RXFP1: variants seen among roughly 807,000 people sequenced by gnomAD.
The protein encoded by RXFP1 is relaxin family peptide receptor 1.
A neutral mutation model predicts 89.8 loss-of-function variants in RXFP1; 73 were observed. That is an observed-to-expected ratio of 0.81 (90% CI 0.67 to 0.99). The LOEUF is 0.99. Among genes scored for constraint, RXFP1 ranks in the 50% least tolerant of loss-of-function variants. RXFP1 has a pLI of 0.00. For synonymous variants in RXFP1, 277 were observed against 305.5 expected, an observed-to-expected ratio of 0.91 and a Z score of 0.97; for missense variants, 793 against 895.5, an observed-to-expected ratio of 0.89 and a Z score of 1.46.
At chr4:158,627,336 A>G (rs1221120556) in intron 10 of RXFP1, among the ~76,000 whole-genome samples, 1 of 152,198 alleles carries the variant, frequency 6.6e-6, no homozygotes, top group Non-Finnish European at 1.5e-5. Context: ...TTATTTTACC[A>G]GAATGTTTTT....
Position 158,644,946 on chromosome 4 carries a change from C to T in RXFP1, c.1153C>T (p.His385Tyr). 1 of 1,614,048 alleles carries T rather than the reference C, an allele frequency of 6.2e-7. No homozygotes were observed. Among genetic ancestry groups the T allele is most frequent in the Non-Finnish European group, 8.5e-7 (1 of 1,179,920 alleles). The change falls in exon 15 of 18, where the codon CAT becomes TAT. Residue 385 changes from histidine (H) to tyrosine (Y), a missense_variant. His to Tyr is a moderately conservative substitution (Grantham distance 83). Transcript: ENST00000307765. ...ATTCCAGTACTGTGGGTATGCACCA[C>T]ATGTTCGCAGCTGTAAACCAAACAC... ...KKFQYCGYAP[H>Y]VRSCKPNTDG...
intron 1 of RXFP1, among the ~76,000 whole-genome samples, chr4:158,566,947 G>C (rs1753696420): frequency 6.6e-6 from 1 of 152,224 alleles, no homozygotes; most frequent in South Asian, 2.1e-4. Context: ...TGTGGAGGGA[G>C]AGGGGCAGGC....
chr4:158,589,897 A>T (rs564212853), intron 2 of RXFP1, among the ~76,000 whole-genome samples: 4 of 152,108 alleles, frequency 2.6e-5, no homozygotes, highest in African/African-American at 9.6e-5. Flanking sequence ...CTACAAAAAT[A>T]AAAAATTAGC....
intron 11 of RXFP1, among the ~76,000 whole-genome samples, chr4:158,630,294 G>C (rs1239797899): frequency 6.6e-6 from 1 of 152,118 alleles, no homozygotes; most frequent in Non-Finnish European, 1.5e-5. Flanking sequence ...AAAACAAATA[G>C]ACCCAACCAT....
intron 2 of RXFP1, among the ~76,000 whole-genome samples, chr4:158,585,064 A>G (rs556788809): frequency 1.3e-5 from 2 of 152,344 alleles, no homozygotes; most frequent in African/African-American, 2.4e-5. Flanking sequence ...TTCCCAGGTG[A>G]TGCTGCTGCT....
chr4:158,542,107 A>AT (rs1438929204), intron 1 of RXFP1, among the ~76,000 whole-genome samples: 2 of 28,220 alleles, frequency 7.1e-5, no homozygotes, highest in African/African-American at 2.6e-4. Flanking sequence ...ATATATATAT[A>AT]TATTTTTTTT....
chr4:158,536,190 A>G (rs1414772548), intron 1 of RXFP1, among the ~76,000 whole-genome samples: 4 of 152,214 alleles, frequency 2.6e-5, no homozygotes. Context: ...GCAGTAGAAA[A>G]CAGCACATAG....
chr4:158,610,857 G>T (rs1763448887), intron 6 of RXFP1, among the ~76,000 whole-genome samples: 1 of 152,216 alleles, frequency 6.6e-6, no homozygotes, highest in African/African-American at 2.4e-5. Flanking sequence ...TTGCTCACTA[G>T]CCCTGAGCAA....
At chr4:158,524,564 G>A (rs1032368458) in intron 1 of RXFP1, among the ~76,000 whole-genome samples, 15 of 152,244 alleles carry the variant, frequency 9.9e-5, no homozygotes, top group African/African-American at 3.6e-4. Flanking sequence ...TTAGCCTTGA[G>A]AATTTTTCAT....
intron 1 of RXFP1, among the ~76,000 whole-genome samples, chr4:158,569,518 G>A (rs1376413637): frequency 6.6e-6 from 1 of 152,156 alleles, no homozygotes; most frequent in Non-Finnish European, 1.5e-5. Flanking sequence ...AGGAGGCAGG[G>A]ACTATATGGG....
chr4:158,593,285 A>G, intron 2 of RXFP1, 116 bp from the exon 3 acceptor site: 1 of 484,912 alleles, frequency 2.1e-6, no homozygotes, highest in Non-Finnish European at 3.5e-6. Flanking sequence ...GATAATGTTT[A>G]TCTCGCTACA....
chr4:158,606,198 A>G (rs1196452268), intron 5 of RXFP1, among the ~76,000 whole-genome samples: 1 of 152,240 alleles, frequency 6.6e-6, no homozygotes, highest in Non-Finnish European at 1.5e-5. Context: ...ATTTTTCTGT[A>G]GCATCACCTT....
At chr4:158,627,823 G>T (rs1767206710) in intron 10 of RXFP1, among the ~76,000 whole-genome samples, 1 of 152,030 alleles carries the variant, frequency 6.6e-6, no homozygotes, top group South Asian at 2.1e-4. Context: ...AAACCAAATT[G>T]CACCTGAAGG....
At chr4:158,549,616 C>T (rs2149880662) in intron 1 of RXFP1, among the ~76,000 whole-genome samples, 2 of 152,244 alleles carry the variant, frequency 1.3e-5, no homozygotes, top group Non-Finnish European at 2.9e-5. Context: ...TGGTGATGTA[C>T]AGAGGGTTTT....
At chr4:158,541,350 G>GCACACACGCACA in intron 1 of RXFP1, among the ~76,000 whole-genome samples, 2 of 139,886 alleles carry the variant, frequency 1.4e-5, no homozygotes, top group African/African-American at 5.4e-5. Context: ...AGAGCTTCAT[G>GCACACACGCACA]CACACACACA....
chr4:158,521,958 G>C lies in RXFP1; in HGVS notation c.-19G>C. The C allele has an allele frequency of 6.2e-7, 1 of 1,602,956 alleles. No individual in the cohort carries two copies. Among genetic ancestry groups the C allele is most frequent in the Non-Finnish European group, 8.5e-7 (1 of 1,172,418 alleles). On this transcript the variant is annotated 5_prime_UTR_variant, in exon 1 of 18. Transcript: ENST00000307765. ...AAATTTTGCTCACTTTCATTAATCAGTTGCTCAGATAGAAGGAAATGACAT... is the reference window on the plus strand; with the variant it reads ...AAATTTTGCTCACTTTCATTAATCACTTGCTCAGATAGAAGGAAATGACAT...
At chr4:158,582,261 A>C (rs989062716) in intron 2 of RXFP1, among the ~76,000 whole-genome samples, 1 of 152,176 alleles carries the variant, frequency 6.6e-6, no homozygotes, top group Non-Finnish European at 1.5e-5. Flanking sequence ...CTATGGCCAA[A>C]GGTAATTTCT....
At chr4:158,643,067 TACCTGTTTGGC>T (rs1281158203) in intron 14 of RXFP1, among the ~76,000 whole-genome samples, 1 of 152,226 alleles carries the variant, frequency 6.6e-6, no homozygotes, top group Admixed American at 6.5e-5. Flanking sequence ...ATGGGTTCTC[TACCTGTTTGGC>T]ACCATGTTGT....
intron 2 of RXFP1, among the ~76,000 whole-genome samples, chr4:158,592,527 T>G (rs543449635): frequency 3.3e-4 from 50 of 152,246 alleles, no homozygotes; most frequent in African/African-American, 1.1e-3. Flanking sequence ...TGAGCCAAGA[T>G]AGTGCCATTG....
Sources: gnomAD v4.1 joint callset for allele counts (sites outside exome capture counted in the v4.1 genomes callset) on GRCh38, gnomAD v4.1.1 for gene constraint, MANE v1.5 for transcripts, NCBI Gene and HGNC (gene_info 2026-07-23, HGNC 2026-07-21) for gene names.